ARHGEF3: variants seen among roughly 807,000 people sequenced by gnomAD.
ARHGEF3 encodes the protein 59.8 kDA protein.
A neutral mutation model predicts 63.2 loss-of-function variants in ARHGEF3; 28 were observed. The observed-to-expected ratio is 0.44, with a 90% CI of 0.33 to 0.61. The LOEUF (loss-of-function observed/expected upper bound fraction) is 0.61. Ranked by LOEUF, ARHGEF3 falls within the 20% of genes least tolerant of loss-of-function variation. The probability of loss-of-function intolerance (pLI) is 0.03; values close to 1 mark genes in which losing one functional copy is unlikely to be tolerated. For synonymous variants in ARHGEF3, 266 were observed against 254.2 expected (o/e 1.05, Z -0.44); for missense variants, 533 against 659.3 (o/e 0.81, Z 2.10).
At chr3:56,954,392 T>G (rs1699949726) in intron 3 of ARHGEF3, among the ~76,000 whole-genome samples, 1 of 152,148 alleles carries the variant, frequency 6.6e-6, no homozygotes, top group Admixed American at 6.5e-5. Flanking sequence ...AGCTCAGCAC[T>G]GCCCCAACCA....
intron 1 of ARHGEF3, among the ~76,000 whole-genome samples, chr3:56,792,744 A>G (rs1451448551): frequency 6.6e-6 from 1 of 152,242 alleles, no homozygotes; most frequent in Admixed American, 6.5e-5. Context: ...CACTAGAGCT[A>G]GAATACTACG....
intron 4 of ARHGEF3, among the ~76,000 whole-genome samples, chr3:56,876,375 C>T (rs561250156): frequency 5.3e-5 from 8 of 152,296 alleles, no homozygotes; most frequent in East Asian, 1.9e-4. Context: ...GCCACAGAGA[C>T]GCTGAATACT....
chr3:57,002,537 T>TATGTTATATATCG (rs1702290676), intron 2 of ARHGEF3, among the ~76,000 whole-genome samples: 1 of 66,610 alleles, frequency 1.5e-5, no homozygotes, highest in African/African-American at 4.4e-5. Context: ...GTTATATATG[T>TATGTTATATATCG]AATATATGTT....
At chr3:56,906,637 A>G (rs1228710254) in intron 3 of ARHGEF3, among the ~76,000 whole-genome samples, 2 of 152,148 alleles carry the variant, frequency 1.3e-5, no homozygotes, top group Non-Finnish European at 2.9e-5. Context: ...GGAGTTCGAG[A>G]CCAGCCTGGC....
chr3:56,765,927 G>GA (rs1300155929), intron 2 of ARHGEF3, among the ~76,000 whole-genome samples: 1 of 151,312 alleles, frequency 6.6e-6, no homozygotes, highest in Non-Finnish European at 1.5e-5. Flanking sequence ...ACATACTGGG[G>GA]AAAAAAGGAG....
intron 2 of ARHGEF3, among the ~76,000 whole-genome samples, chr3:56,766,262 T>C (rs1043144589): frequency 6.6e-6 from 1 of 152,218 alleles, no homozygotes; most frequent in African/African-American, 2.4e-5. Context: ...TGGAGACCAC[T>C]AATTTATCAT....
At chr3:56,947,337 TG>T (rs1306306333) in intron 3 of ARHGEF3, among the ~76,000 whole-genome samples, 2 of 152,308 alleles carry the variant, frequency 1.3e-5, no homozygotes, top group East Asian at 3.9e-4. Flanking sequence ...ACTGGCAAAT[TG>T]GATAAAGACT....
rs2034946716 is a variant in ARHGEF3, at chr3:56,754,473, T to G, written c.375+508A>C. On this transcript the variant is annotated intron_variant, in intron 3 of 9. Transcript: ENST00000296315. ...TGGATACTCCAAGGATCTCATCAGA[T>G]GATGCACACATGAAGTGCTCAGCAC... Among the ~76,000 whole-genome samples the G allele has an allele frequency of 2.0e-5, 3 of 152,178 alleles. No individual in the cohort carries two copies. In the South Asian group the frequency reaches 6.2e-4, roughly 31 times the overall value.
intron 2 of ARHGEF3, among the ~76,000 whole-genome samples, chr3:57,004,514 A>G (rs909459863): frequency 1.3e-5 from 2 of 152,204 alleles, no homozygotes; most frequent in African/African-American, 4.8e-5. Context: ...CAGGCACATA[A>G]GCAGATTATT....
intron 4 of ARHGEF3, among the ~76,000 whole-genome samples, chr3:56,864,287 C>A (rs916629833): frequency 3.3e-5 from 5 of 152,246 alleles, no homozygotes; most frequent in Non-Finnish European, 5.9e-5. Flanking sequence ...CTACCACCTA[C>A]CAGCTGCATT....
chr3:56,819,479 C>A (rs2038388308), intron 4 of ARHGEF3, among the ~76,000 whole-genome samples: 1 of 151,664 alleles, frequency 6.6e-6, no homozygotes, highest in Admixed American at 6.6e-5. Flanking sequence ...CTTATTACTA[C>A]CACTTAATTA....
chr3:56,787,733 A>C (rs2036893563), intron 1 of ARHGEF3, among the ~76,000 whole-genome samples: 1 of 151,948 alleles, frequency 6.6e-6, no homozygotes, highest in Admixed American at 6.5e-5. Flanking sequence ...TAATAATAAT[A>C]ATATAATAGC....
intron 4 of ARHGEF3, among the ~76,000 whole-genome samples, chr3:56,819,886 T>G (rs2038411291): frequency 6.6e-6 from 1 of 151,686 alleles, no homozygotes; most frequent in South Asian, 2.1e-4. Context: ...TGTGGCTCAC[T>G]ACAGCCTGGA....
chr3:56,980,601 T>C (rs1397541096), intron 2 of ARHGEF3, among the ~76,000 whole-genome samples: 2 of 152,264 alleles, frequency 1.3e-5, no homozygotes, highest in Non-Finnish European at 2.9e-5. Flanking sequence ...ACAATGGTCC[T>C]AATATGTAAA....
At chr3:56,938,039 G>A (rs1274979033) in intron 3 of ARHGEF3, among the ~76,000 whole-genome samples, 2 of 152,196 alleles carry the variant, frequency 1.3e-5, no homozygotes. Flanking sequence ...GTATAAGAAT[G>A]TCTCCTCTTC....
chr3:57,043,429 ACAACAC>A (rs146675436), intron 1 of ARHGEF3, among the ~76,000 whole-genome samples: 286 of 152,182 alleles, frequency 1.9e-3, no homozygotes, highest in African/African-American at 6.4e-3. Flanking sequence ...CTAGCATTTT[ACAACAC>A]CAACACCAAC....
intron 2 of ARHGEF3, among the ~76,000 whole-genome samples, chr3:57,032,231 C>G (rs913989483): frequency 2.6e-5 from 4 of 152,180 alleles, no homozygotes; most frequent in African/African-American, 9.7e-5. Context: ...ATGGGTGAGG[C>G]TGCCATCCCT....
intron 8 of ARHGEF3, among the ~76,000 whole-genome samples, chr3:56,736,612 A>T (rs1016711172): frequency 6.6e-6 from 1 of 152,320 alleles, no homozygotes; most frequent in Admixed American, 6.5e-5. Context: ...ACAGATGTTA[A>T]CTGTTCTGCA....
At chr3:57,063,029 G>A (rs1213936317) in intron 1 of ARHGEF3, among the ~76,000 whole-genome samples, 1 of 152,172 alleles carries the variant, frequency 6.6e-6, no homozygotes, top group Non-Finnish European at 1.5e-5. Context: ...AGCAATGAAG[G>A]CAAAGGGGAA....
Sources: gnomAD v4.1 joint callset for allele counts (sites outside exome capture counted in the v4.1 genomes callset) on GRCh38, gnomAD v4.1.1 for gene constraint, MANE v1.5 for transcripts, NCBI Gene and HGNC (gene_info 2026-07-23, HGNC 2026-07-21) for gene names.